Variants in C8orf34 observed in about 807,000 individuals in gnomAD.
C8orf34 encodes the protein chromosome 8 open reading frame 34.
C8orf34 carries 65 observed loss-of-function variants against 68.3 expected under a neutral mutation model. That is an observed-to-expected ratio of 0.95 (90% CI 0.78 to 1.17). The LOEUF is 1.17. Ranked by LOEUF, C8orf34 falls within the 50% of genes most tolerant of loss-of-function variation. The pLI is 0.00. For synonymous variants in C8orf34, 244 were observed against 241.2 expected (o/e 1.01, Z -0.11); for missense variants, 664 against 655.4 (o/e 1.01, Z -0.14).
chr8:68,421,268 G>C lies in C8orf34; in HGVS notation c.328-18231G>C, dbSNP rs368806000. 4.5e-4 allele frequency among the ~76,000 whole-genome samples: 69 copies of C among 152,182 alleles called. 1 individual carries two copies. The highest frequency in any genetic ancestry group is 1.4e-3 in the African/African-American group (60 of 41,458). ...AAAGAGCTCTGAAATCTAGAAAGAA[G>C]AAGGTAGACTGACTAGAAAGAATAA... On this transcript the variant is annotated intron_variant, in intron 1 of 13. Coordinates refer to ENST00000518698, the MANE Select transcript of C8orf34 (RefSeq NM_052958.4).
In C8orf34 at chr8:68,468,601, G is replaced by C. The variant is rs1812246305; in HGVS notation, c.608-91G>C. The C allele has an allele frequency of 2.3e-6, 3 of 1,276,950 alleles. No homozygotes were observed. The East Asian group carries it at 7.6e-5, about 33-fold the overall frequency. The allele number at this position is 1,276,950 out of a possible 1,614,324, so 79.1% of individuals were successfully genotyped here. On this transcript the variant is annotated intron_variant, in intron 3 of 13. Transcript: ENST00000518698. ...ATAAACACTTTTTATTCTATACATT[G>C]ATCTTGGTACAGTCTTTCACGTGAT...
intron 1 of C8orf34, among the ~76,000 whole-genome samples, chr8:68,349,617 A>T (rs1164303736): frequency 6.6e-6 from 1 of 151,554 alleles, no homozygotes; most frequent in Non-Finnish European, 1.5e-5. Flanking sequence ...GGCTTTTTTT[A>T]GTTGGTAGGC....
chr8:68,764,007 G>A lies in C8orf34; in HGVS notation c.1405-12392G>A, dbSNP rs138328140. Among the ~76,000 whole-genome samples, 278 of 152,272 alleles carry A rather than the reference G, an allele frequency of 1.8e-3. 1 individual carries two copies. The highest frequency in any genetic ancestry group is 6.8e-3 in the Middle Eastern group (2 of 294). On this transcript the variant is annotated intron_variant, in intron 10 of 13. Transcript: ENST00000518698. Reference sequence around the variant, plus strand: ...CTAGAGATCCCAAGCCTGCTCTCTGGACCTGCATTGGCCTCTTTCCTCAGT... The same window carrying A: ...CTAGAGATCCCAAGCCTGCTCTCTGAACCTGCATTGGCCTCTTTCCTCAGT...
At position 68,640,270 on chromosome 8, in the gene C8orf34, A is replaced by G. The variant is rs948419885; in HGVS notation, c.1106-106A>G. The stretch of plus-strand genomic sequence containing the variant: ...TTAGATTTTTGCAAAGGGGATATAT[A>G]TTGTTTTGCTTAACAAACTAATGGC... On this transcript the variant is annotated intron_variant, in intron 7 of 13. Transcript: ENST00000518698. 8.9e-6 allele frequency: 9 copies of G among 1,013,578 alleles called. No homozygotes were observed. The South Asian group carries it at 1.3e-4, about 15-fold the overall frequency. 62.8% of individuals were successfully genotyped at this position (1,013,578 alleles called of 1,614,324 possible). A position where few individuals can be genotyped will look rare whatever the true frequency, so the allele number is the denominator to read the frequency against.
chr8:68,605,157 G>T (rs1817817957), intron 7 of C8orf34, among the ~76,000 whole-genome samples: 1 of 152,078 alleles, frequency 6.6e-6, no homozygotes, highest in South Asian at 2.1e-4. Flanking sequence ...ACAGCAATGA[G>T]ATGTTACTAC....
At chr8:68,770,118 T>G (rs935842737) in intron 10 of C8orf34, among the ~76,000 whole-genome samples, 4 of 152,200 alleles carry the variant, frequency 2.6e-5, no homozygotes, top group African/African-American at 9.6e-5. Flanking sequence ...ATACACATAT[T>G]TACCAAATAA....
intron 11 of C8orf34, among the ~76,000 whole-genome samples, chr8:68,784,831 C>T (rs976753298): frequency 9.8e-6 from 1 of 102,330 alleles, no homozygotes; most frequent in South Asian, 3.0e-4. Flanking sequence ...TGTGTGTTTT[C>T]GAGTACTTTC....
At chr8:68,724,765 C>T (rs766350403) in intron 10 of C8orf34, among the ~76,000 whole-genome samples, 1 of 152,152 alleles carries the variant, frequency 6.6e-6, no homozygotes, top group Non-Finnish European at 1.5e-5. Flanking sequence ...TTGATTATGA[C>T]CTCTTAGCTT....
chr8:68,492,377 G>A (rs1157733653), intron 5 of C8orf34, among the ~76,000 whole-genome samples: 1 of 152,020 alleles, frequency 6.6e-6, no homozygotes, highest in African/African-American at 2.4e-5. Context: ...CTACAAACGT[G>A]TGCCACCATG....
chr8:68,422,033 C>T (rs1322627539), intron 1 of C8orf34, among the ~76,000 whole-genome samples: 1 of 152,182 alleles, frequency 6.6e-6, no homozygotes, highest in Non-Finnish European at 1.5e-5. Context: ...CACCTGGTTC[C>T]ACCCTTGACA....
rs565783528 is a variant in C8orf34, at chr8:68,706,439, C to T, written c.1242-2555C>T. Among the ~76,000 whole-genome samples the T allele has an allele frequency of 5.4e-5, 8 of 148,830 alleles. No individual in the cohort carries two copies. The East Asian group carries it at 8.0e-4, about 15-fold the overall frequency. ...AGGCTGAAGGAGGTGAATTTGTTTTCGGAGACAGGGAAGCAGGAGGGGACA... is the reference window on the plus strand; with the variant it reads ...AGGCTGAAGGAGGTGAATTTGTTTTTGGAGACAGGGAAGCAGGAGGGGACA... On this transcript the variant is annotated intron_variant, in intron 8 of 13. Coordinates refer to ENST00000518698, the MANE Select transcript of C8orf34 (RefSeq NM_052958.4).
chr8:68,783,347 G>A (rs1474145144), intron 11 of C8orf34, among the ~76,000 whole-genome samples: 3 of 151,816 alleles, frequency 2.0e-5, no homozygotes, highest in African/African-American at 4.8e-5. Flanking sequence ...GTGAAACCCC[G>A]TCTCTACTAA....
At chr8:68,701,392 C>T (rs913494609) in intron 8 of C8orf34, among the ~76,000 whole-genome samples, 4 of 152,096 alleles carry the variant, frequency 2.6e-5, no homozygotes, top group African/African-American at 9.7e-5. Flanking sequence ...CCTTGAAATG[C>T]ATTTTAAACT....
chr8:68,510,654 G>A (rs949246225), intron 5 of C8orf34, among the ~76,000 whole-genome samples: 5 of 152,140 alleles, frequency 3.3e-5, no homozygotes, highest in African/African-American at 9.7e-5. Flanking sequence ...AATCATAATA[G>A]GACCGAGTTG....
chr8:68,361,818 C>T lies in C8orf34; in HGVS notation c.327+30479C>T, dbSNP rs1385112655. On this transcript the variant is annotated intron_variant, in intron 1 of 13. Coordinates refer to ENST00000518698, the MANE Select transcript of C8orf34 (RefSeq NM_052958.4). Reference sequence around the variant, plus strand: ...ATAAAGGCATACAAAATAGCATGGTCTACAGAACTGTGAAATAATTTTTGT... The same window carrying T: ...ATAAAGGCATACAAAATAGCATGGTTTACAGAACTGTGAAATAATTTTTGT... 2.0e-5 allele frequency among the ~76,000 whole-genome samples: 3 copies of T among 152,188 alleles called. No homozygotes were observed. In the East Asian group the frequency reaches 5.8e-4, roughly 29 times the overall value.
chr8:68,520,369 A>G (rs1331862980), intron 5 of C8orf34, among the ~76,000 whole-genome samples: 3 of 152,204 alleles, frequency 2.0e-5, no homozygotes, highest in Non-Finnish European at 2.9e-5. Context: ...ATTATATTGT[A>G]TTATATTCTG....
intron 1 of C8orf34, among the ~76,000 whole-genome samples, chr8:68,386,204 G>A (rs995327468): frequency 2.0e-5 from 3 of 151,956 alleles, no homozygotes; most frequent in Non-Finnish European, 2.9e-5. Context: ...ACCCATACCC[G>A]GCCTATTTAT....
At chr8:68,780,832 A>T (rs1823653877) in intron 11 of C8orf34, among the ~76,000 whole-genome samples, 1 of 152,166 alleles carries the variant, frequency 6.6e-6, no homozygotes, top group East Asian at 1.9e-4. Context: ...CAAGAAAGTT[A>T]TTTACAAACT....
chr8:68,789,532 A>T (rs1230319957), intron 12 of C8orf34, among the ~76,000 whole-genome samples: 1 of 152,166 alleles, frequency 6.6e-6, no homozygotes, highest in Non-Finnish European at 1.5e-5. Flanking sequence ...AACCCTTGTC[A>T]CCTAATACGC....
Sources: allele counts gnomAD v4.1 joint callset (sites outside exome capture counted in the v4.1 genomes callset), GRCh38; gene constraint gnomAD v4.1.1; transcripts MANE v1.5; gene names NCBI Gene and HGNC (gene_info 2026-07-23, HGNC 2026-07-21).